RALGPS1: variants seen among roughly 807,000 people sequenced by gnomAD.
The protein encoded by RALGPS1 is ras-specific guanine nucleotide-releasing factor RalGPS1.
A neutral mutation model predicts 78.8 loss-of-function variants in RALGPS1; 19 were observed. That is an observed-to-expected ratio of 0.24 (90% confidence interval 0.17 to 0.35). The LOEUF (loss-of-function observed/expected upper bound fraction) is 0.35. Among genes scored for constraint, RALGPS1 ranks in the 10% least tolerant of loss-of-function variants. The pLI is 1.00. For missense variants in RALGPS1, 454 were observed against 688.3 expected, an observed-to-expected ratio of 0.66 and a Z score of 3.81; for synonymous variants, 228 against 256.3, an observed-to-expected ratio of 0.89 and a Z score of 1.06.
intron 4 of RALGPS1, among the ~76,000 whole-genome samples, chr9:127,011,184 CTTT>C (rs1295584646): frequency 6.8e-6 from 1 of 148,004 alleles, no homozygotes; most frequent in Non-Finnish European, 1.5e-5. Flanking sequence ...CCCAGCCCGC[CTTT>C]TTTTTTTGAG....
chr9:127,209,073 G>A (rs1193978788), intron 14 of RALGPS1, among the ~76,000 whole-genome samples: 1 of 152,230 alleles, frequency 6.6e-6, no homozygotes. Context: ...CTGGAATCCA[G>A]CCCAGGTGAG....
At chr9:126,929,669 G>T (rs536625245) in intron 1 of RALGPS1, among the ~76,000 whole-genome samples, 2 of 151,850 alleles carry the variant, frequency 1.3e-5, no homozygotes, top group South Asian at 2.1e-4. Context: ...TCTCCATGTT[G>T]GTCAGGCTGG....
At chr9:127,049,954 C>G (rs1226711158) in intron 5 of RALGPS1, 89 bp from the exon 6 acceptor site, 1 of 933,028 alleles carries the variant, frequency 1.1e-6, no homozygotes, top group African/African-American at 1.6e-5. Context: ...AATCCCATAA[C>G]AGCGGTGGGC....
At chr9:127,020,574 CAT>C (rs752584038) in intron 4 of RALGPS1, among the ~76,000 whole-genome samples, 1 of 152,216 alleles carries the variant, frequency 6.6e-6, no homozygotes, top group East Asian at 1.9e-4. Flanking sequence ...TAGGAGATGT[CAT>C]GTGTGTATAT....
rs1324108160 is a variant in RALGPS1, at chr9:126,992,470, CT to C, written c.216+14726del. Among the ~76,000 whole-genome samples the C allele has an allele frequency of 3.9e-5, 6 of 152,234 alleles. No individual in the cohort carries two copies. The East Asian group carries it at 9.7e-4, about 24-fold the overall frequency. On this transcript the variant is annotated intron_variant, in intron 4 of 18. Coordinates refer to ENST00000259351, the MANE Select transcript of RALGPS1 (RefSeq NM_014636.3). ...GTGTACATCCTTAAAGTTTGTTATT[CT>C]GTTTCAAAATTGTTCTGACTATTCT...
intron 4 of RALGPS1, among the ~76,000 whole-genome samples, chr9:127,023,929 C>T (rs541053222): frequency 3.3e-5 from 5 of 150,368 alleles, no homozygotes; most frequent in East Asian, 2.0e-4. Flanking sequence ...CCCAGCTACT[C>T]GGGAAGCTGA....
chr9:127,032,770 G>A (rs939079756), intron 4 of RALGPS1, among the ~76,000 whole-genome samples: 1 of 152,010 alleles, frequency 6.6e-6, no homozygotes, highest in Admixed American at 6.6e-5. Context: ...CAAGAAGATC[G>A]CTTAAGGCCA....
chr9:126,975,644 G>A (rs1417420161), intron 3 of RALGPS1, among the ~76,000 whole-genome samples: 8 of 152,180 alleles, frequency 5.3e-5, no homozygotes, highest in African/African-American at 1.9e-4. Flanking sequence ...GGATCTGGCA[G>A]AAGAAATGCC....
chr9:127,105,099 TCC>T (rs1330660351), intron 8 of RALGPS1, among the ~76,000 whole-genome samples: 1 of 152,184 alleles, frequency 6.6e-6, no homozygotes. Flanking sequence ...CCATTCATCT[TCC>T]ACAGCTAGGC....
intron 4 of RALGPS1, among the ~76,000 whole-genome samples, chr9:127,013,661 G>C (rs1390058132): frequency 6.6e-6 from 1 of 152,090 alleles, no homozygotes; most frequent in Admixed American, 6.5e-5. Flanking sequence ...TTAAATCTCT[G>C]TCCACATCCC....
Position 127,088,884 on chromosome 9 carries a change from G to A in RALGPS1, c.610+19528G>A, listed in dbSNP as rs537547903. 11 of 1,601,488 alleles carry A rather than the reference G, an allele frequency of 6.9e-6. 1 individual carries two copies. Among genetic ancestry groups the A allele is most frequent in the African/African-American group, 6.7e-5 (5 of 74,794 alleles). On this transcript the variant is annotated intron_variant, in intron 8 of 18. Transcript: ENST00000259351. ...AGTTGTTCTTTGTGCTGTGGCCAGC[G>A]TGACCAGGGTGGGCTCCTGGCAATG...
At chr9:126,958,586 T>C (rs1018692203) in intron 1 of RALGPS1, among the ~76,000 whole-genome samples, 1 of 152,342 alleles carries the variant, frequency 6.6e-6, no homozygotes, top group East Asian at 1.9e-4. Flanking sequence ...GAAGTGGCTG[T>C]ATCAGTGCGT....
At chr9:127,092,835 TGGG>T (rs2052643150) in intron 8 of RALGPS1, among the ~76,000 whole-genome samples, 1 of 151,074 alleles carries the variant, frequency 6.6e-6, no homozygotes, top group South Asian at 2.1e-4. Context: ...GTTCAGGAGG[TGGG>T]GTGGGGGACA....
intron 4 of RALGPS1, among the ~76,000 whole-genome samples, chr9:127,009,729 C>T (rs940395135): frequency 1.3e-5 from 2 of 152,136 alleles, no homozygotes; most frequent in Non-Finnish European, 2.9e-5. Context: ...TGTTTCTCTT[C>T]TTTAAAGCTA....
At chr9:127,064,134 ACTAGAAGTGAAG>A (rs1283613546) in intron 7 of RALGPS1, among the ~76,000 whole-genome samples, 3 of 152,220 alleles carry the variant, frequency 2.0e-5, no homozygotes, top group Non-Finnish European at 2.9e-5. Context: ...TCTAAACTTT[ACTAGAAGTGAAG>A]CTAGACTTAG....
At chr9:127,114,138 T>C (rs2055152109) in intron 8 of RALGPS1, among the ~76,000 whole-genome samples, 1 of 152,218 alleles carries the variant, frequency 6.6e-6, no homozygotes, top group South Asian at 2.1e-4. Context: ...GGCCTGTTAT[T>C]TGAGGGCCGC....
At chr9:127,213,744 G>T (rs1438235730) in intron 17 of RALGPS1, 3 of 152,516 alleles carry the variant, frequency 2.0e-5, no homozygotes, top group Non-Finnish European at 4.4e-5. Flanking sequence ...ACCTTAACAG[G>T]AATGTTCTAC....
chr9:126,992,254 T>C (rs2042344237), intron 4 of RALGPS1, among the ~76,000 whole-genome samples: 1 of 152,236 alleles, frequency 6.6e-6, no homozygotes, highest in South Asian at 2.1e-4. Flanking sequence ...GAGATTATTT[T>C]CAGCGTTATT....
intron 4 of RALGPS1, among the ~76,000 whole-genome samples, chr9:127,017,933 C>T (rs2045020539): frequency 1.3e-5 from 2 of 152,042 alleles, no homozygotes; most frequent in African/African-American, 4.8e-5. Context: ...ATGCCTTCTT[C>T]TGGCCGGGCG....
Sources: allele counts gnomAD v4.1 joint callset (sites outside exome capture counted in the v4.1 genomes callset), GRCh38; gene constraint gnomAD v4.1.1; transcripts MANE v1.5; gene names NCBI Gene and HGNC (gene_info 2026-07-23, HGNC 2026-07-21).